Variants in POLM observed in about 807,000 individuals in gnomAD.
POLM encodes the protein DNA polymerase mu.
Under a neutral mutation model 56.7 loss-of-function variants are expected in POLM, and 52 were observed. The ratio of observed to expected loss-of-function variants is 0.92; its 90% CI spans 0.73 to 1.15. The LOEUF (loss-of-function observed/expected upper bound fraction) is 1.15. POLM is among the 50% of genes most tolerant of loss of function. The pLI is 0.00. For synonymous variants in POLM, 273 were observed against 274.3 expected (o/e 1.00, Z 0.05); for missense variants, 660 against 663.6 (o/e 0.99, Z 0.06).
At chr7:44,079,361 T>C (rs539001788) in intron 4 of POLM, among the ~76,000 whole-genome samples, 120 of 152,232 alleles carry the variant, frequency 7.9e-4, no homozygotes, top group Non-Finnish European at 1.2e-3. Flanking sequence ...CACAGCGCCA[T>C]TCACTGGGTC....
rs371147828 is a variant in POLM, at chr7:44,080,713, T to C, written c.372+20A>G. On this transcript the variant is annotated intron_variant, in intron 2 of 10. Coordinates refer to ENST00000242248, the MANE Select transcript of POLM (RefSeq NM_013284.4). ...GGGGCTTTCACTGTAGCCCCCACTT[T>C]AGTCTTCCACCCAGCTCACCTCCAG... 6.2e-7 allele frequency: 1 copy of C among 1,612,026 alleles called. No individual in the cohort carries two copies. The highest frequency in any genetic ancestry group is 1.3e-5 in the African/African-American group (1 of 74,864).
rs1338953479 is a variant in POLM, at chr7:44,073,151, A to G, written c.*140T>C. The G allele has an allele frequency of 3.9e-6, 6 of 1,532,938 alleles. No homozygotes were observed. The highest frequency in any genetic ancestry group is 1.2e-5 in the South Asian group (1 of 80,680). The allele number at this position is 1,532,938 out of a possible 1,614,324, so 95.0% of individuals were successfully genotyped here. Reference sequence around the variant, plus strand: ...GGGCTCAACTGATCCTGCAGGCACAATTGACCTCCGGAAGAGCCAGGCCTT... The same window carrying G: ...GGGCTCAACTGATCCTGCAGGCACAGTTGACCTCCGGAAGAGCCAGGCCTT... On this transcript the variant is annotated 3_prime_UTR_variant, in exon 11 of 11. Coordinates refer to ENST00000242248, the MANE Select transcript of POLM (RefSeq NM_013284.4).
chr7:44,074,264 G>C (rs773859525), intron 7 of POLM, 31 bp from the exon 8 acceptor site: 13 of 1,551,342 alleles, frequency 8.4e-6, no homozygotes, highest in Non-Finnish European at 1.1e-5. Flanking sequence ...CTGACTCAGG[G>C]ACACGGCCTG....
Position 44,079,860 on chromosome 7 carries a change from C to T in POLM, c.471+1G>A, listed in dbSNP as rs769310052. 7.1e-5 allele frequency: 114 copies of T among 1,613,838 alleles called. No individual in the cohort carries two copies. The highest frequency in any genetic ancestry group is 4.9e-4 in the Middle Eastern group (3 of 6,080). On this transcript the variant is annotated splice_donor_variant, in intron 3 of 10. Transcript: ENST00000242248. LOFTEE classifies it high-confidence loss of function. ...GGCCAAGGCTCATAGAAGCGGCTTA[C>T]GGAGAGGCCAGTGTTGTGGTGTGTG...
In POLM at chr7:44,076,641, G is replaced by A; in HGVS notation, c.715-12C>T. The A allele has an allele frequency of 6.2e-7, 1 of 1,613,494 alleles. No individual in the cohort carries two copies. The highest frequency in any genetic ancestry group is 8.5e-7 in the Non-Finnish European group (1 of 1,179,850). On this transcript the variant is annotated splice_polypyrimidine_tract_variant and intron_variant, in intron 5 of 10. Transcript: ENST00000242248. ...ATCTGGGTGAAGAGCTGTGGGGAAGGAGCGTAGCCCGGTTGGGCAGAGCTC... is the reference window on the plus strand; with the variant it reads ...ATCTGGGTGAAGAGCTGTGGGGAAGAAGCGTAGCCCGGTTGGGCAGAGCTC...
intron 3 of POLM, 25 bp downstream of exon 3, chr7:44,079,836 G>A: frequency 6.2e-7 from 1 of 1,613,134 alleles, no homozygotes; most frequent in Non-Finnish European, 8.5e-7. Context: ...CCCAGGGCTG[G>A]CCAAGGCTCA....
At chr7:44,074,342 C>G in intron 7 of POLM, 56 bp downstream of exon 7, 1 of 1,548,578 alleles carries the variant, frequency 6.5e-7, no homozygotes, top group African/African-American at 1.4e-5. Context: ...GACTCAGGTC[C>G]CTTCACTGGG....
In POLM at chr7:44,073,157, C is replaced by A. The variant is rs1277910089; in HGVS notation, c.*134G>T. ...AACTGATCCTGCAGGCACAATTGAC[C>A]TCCGGAAGAGCCAGGCCTTGGCGGG... On this transcript the variant is annotated 3_prime_UTR_variant, in exon 11 of 11. Coordinates refer to ENST00000242248, the MANE Select transcript of POLM (RefSeq NM_013284.4). 1 of 1,541,748 alleles carries A rather than the reference C, an allele frequency of 6.5e-7. No individual in the cohort carries two copies. The highest frequency in any genetic ancestry group is 8.7e-7 in the Non-Finnish European group (1 of 1,143,848).
chr7:44,079,739 C>T lies in POLM; in HGVS notation c.474G>A (p.Glu158=), dbSNP rs137998040. The T allele has an allele frequency of 2.6e-4, 414 of 1,609,274 alleles. 1 individual carries two copies. In the African/African-American group the frequency reaches 5.1e-3, roughly 20 times the overall value. The change falls in exon 4 of 11, where the codon GAG becomes GAA. Residue 158 remains glutamate, a splice_region_variant and synonymous_variant. Transcript: ENST00000242248. The part of the protein sequence containing the change: ...PLTHHNTGLS[E]ALEILAEAAG... ...CTGCCTCGGCCAGTATCTCCAGAGCCTCCTGCAGGGAGGGGCCCTAGGTAA... is the reference window on the plus strand; with the variant it reads ...CTGCCTCGGCCAGTATCTCCAGAGCTTCCTGCAGGGAGGGGCCCTAGGTAA...
rs2128803349 is a variant in POLM at position 44,080,045 on chromosome 7, G to A, written c.373-86C>T. 5 of 979,606 alleles carry A rather than the reference G, an allele frequency of 5.1e-6. No homozygotes were observed. The South Asian group carries it at 6.8e-5, about 13-fold the overall frequency. 60.7% of individuals were successfully genotyped at this position (979,606 alleles called of 1,614,324 possible). On this transcript the variant is annotated intron_variant, in intron 2 of 10. Coordinates refer to ENST00000242248, the MANE Select transcript of POLM (RefSeq NM_013284.4). ...GTACTCAGGCTTTGTTTCTCCTGGGGTGTCCAACTCGGGCCCTCTGGAGCT... is the reference window on the plus strand; with the variant it reads ...GTACTCAGGCTTTGTTTCTCCTGGGATGTCCAACTCGGGCCCTCTGGAGCT...
intron 5 of POLM, among the ~76,000 whole-genome samples, chr7:44,077,327 G>A (rs2096186559): frequency 6.6e-6 from 1 of 152,232 alleles, no homozygotes; most frequent in Non-Finnish European, 1.5e-5. Flanking sequence ...AGGGGAGGAG[G>A]AGTGGCCTGG....
Position 44,079,697 on chromosome 7 carries a change from A to G in POLM, c.516T>C (p.Ser172=), listed in dbSNP as rs1300708276. 6.2e-7 allele frequency: 1 copy of G among 1,612,512 alleles called. No homozygotes were observed. Among genetic ancestry groups the G allele is most frequent in the African/African-American group, 1.3e-5 (1 of 75,014 alleles). ...ILAEAAGFEG[S]EGRLLTFCRA... is the part of the protein sequence containing the mutation. ...TGCAGAAGGTGAGGAGGCGGCCCTC[A>G]CTGCCTTCAAAGCCTGCTGCCTCGG... is the stretch of plus-strand genomic sequence containing the variant. Residue 172 remains serine (S), a synonymous_variant, in exon 4 of 11, where the codon AGT becomes AGC. Transcript: ENST00000242248.
In POLM at chr7:44,082,232, G is replaced by T; in HGVS notation, c.188+19C>A. 1 of 1,429,526 alleles carries T rather than the reference G, an allele frequency of 7.0e-7. No individual in the cohort carries two copies. The allele number at this position is 1,429,526 out of a possible 1,614,324, so 88.6% of individuals were successfully genotyped here. A position where few individuals can be genotyped will look rare whatever the true frequency, so the allele number is the denominator to read the frequency against. On this transcript the variant is annotated intron_variant, in intron 1 of 10. Coordinates refer to ENST00000242248, the MANE Select transcript of POLM (RefSeq NM_013284.4). ...CAGAAGTGCCATGGAAGCCCTCGCC[G>T]CGCCGCGCCGCCCCGCACCTGCAGG...
intron 5 of POLM, 99 bp from the exon 6 acceptor site, chr7:44,076,728 C>T: frequency 1.3e-6 from 2 of 1,492,396 alleles, no homozygotes; most frequent in Non-Finnish European, 1.8e-6. Context: ...GCACCATGCA[C>T]CAGGCAGGCG....
intron 4 of POLM, 93 bp from the exon 5 acceptor site, chr7:44,078,904 C>A: frequency 1.0e-6 from 1 of 995,570 alleles, no homozygotes; most frequent in Non-Finnish European, 1.5e-6. Flanking sequence ...GGCCCAAGGA[C>A]TGAGGCAGTC....
chr7:44,076,680 C>T lies in POLM; in HGVS notation c.715-51G>A, dbSNP rs151288028. 1.5e-4 allele frequency: 244 copies of T among 1,605,658 alleles called. 2 individuals are homozygous for T. In the East Asian group the frequency reaches 5.1e-3, roughly 34 times the overall value. The stretch of plus-strand genomic sequence containing the variant: ...TGGGCAGAGCTCTCATGGCTAGACT[C>T]GGATGATCACCCGCTCCGGGACGGT... On this transcript the variant is annotated intron_variant, in intron 5 of 10. Coordinates refer to ENST00000242248, the MANE Select transcript of POLM (RefSeq NM_013284.4).
rs775237193 is a variant in POLM, at chr7:44,073,361, G to A, written c.1415C>T (p.Ala472Val). The A allele has an allele frequency of 7.4e-6, 12 of 1,613,786 alleles. No individual in the cohort carries two copies. Among genetic ancestry groups the A allele is most frequent in the South Asian group, 4.4e-5 (4 of 91,086 alleles). Residue 472 changes from alanine (A) to valine (V), a missense_variant, in exon 11 of 11, where the codon GCG becomes GTG. Physicochemically the swap from Ala to Val is moderately conservative, Grantham distance 64. Transcript: ENST00000242248. ...TCTGAAGATGTCTTCCTCTGAAGCCGCTTGGAAAAATGTCTTCTGCAACAG... is the reference window on the plus strand; with the variant it reads ...TCTGAAGATGTCTTCCTCTGAAGCCACTTGGAAAAATGTCTTCTGCAACAG... ...FDPEQKTFFQ[A>V]ASEEDIFRHL...
chr7:44,073,947 C>A lies in POLM; in HGVS notation c.1150G>T (p.Ala384Ser). ...AAAATGCAGAAACTTCTCTCAAAAG[C>A]GTCCATGTGGCTCTGTTGGGCCAGG... is the stretch of plus-strand genomic sequence containing the variant. ...TRLAQQSHMD[A>S]FERSFCIFRL... Residue 384 changes from alanine to serine, a missense_variant, in exon 9 of 11, where the codon GCT becomes TCT. Ala to Ser is a moderately conservative substitution (Grantham distance 99, BLOSUM62 1). Transcript: ENST00000242248. 1 of 1,614,228 alleles carries A rather than the reference C, an allele frequency of 6.2e-7. No individual in the cohort carries two copies. Among genetic ancestry groups the A allele is most frequent in the Non-Finnish European group, 8.5e-7 (1 of 1,180,034 alleles).
At chr7:44,074,319 C>T (rs2096177396) in intron 7 of POLM, 79 bp downstream of exon 7, 2 of 1,543,696 alleles carry the variant, frequency 1.3e-6, no homozygotes, top group South Asian at 1.2e-5. Context: ...AGTGGGCCCG[C>T]TTCAGGGTCC....
Sources: allele counts gnomAD v4.1 joint callset (sites outside exome capture counted in the v4.1 genomes callset), GRCh38; gene constraint gnomAD v4.1.1; transcripts MANE v1.5; gene names NCBI Gene and HGNC (gene_info 2026-07-23, HGNC 2026-07-21).